The following HDLBP variants were observed in gnomAD, a reference collection of about 807,000 sequenced individuals.
HDLBP encodes high density lipoprotein binding protein, also known as vigilin.
In HDLBP, 30 loss-of-function variants were observed where a neutral mutation model predicts 137.3. That is an observed-to-expected ratio of 0.22 (90% CI 0.16 to 0.30). HDLBP has a LOEUF of 0.30. Among genes scored for constraint, HDLBP ranks in the 10% least tolerant of loss-of-function variants. The pLI is 1.00. For synonymous variants in HDLBP, 606 were observed against 596.0 expected (o/e 1.02, Z -0.24); for missense variants, 1,119 against 1,667.3 (o/e 0.67, Z 5.73).
At chr2:241,279,483 C>T (rs1348371899) in intron 1 of HDLBP, among the ~76,000 whole-genome samples, 2 of 152,166 alleles carry the variant, frequency 1.3e-5, no homozygotes, top group Admixed American at 1.3e-4. Flanking sequence ...TTGCTCTCTC[C>T]AGTGTCAGTA....
chr2:241,239,534 C>A lies in HDLBP; in HGVS notation c.2610+68G>T. On this transcript the variant is annotated intron_variant, in intron 19 of 27. Coordinates refer to ENST00000310931, the MANE Select transcript of HDLBP (RefSeq NM_005336.6). The surrounding 1 kb of genome is among the most constrained non-coding windows in gnomAD (Gnocchi z 4.6). ...ACCTCCCTACAGGGTGGAGCGAACA[C>A]TCATACACGGCTTCGGTGAGTGGCC... is the stretch of plus-strand genomic sequence containing the variant. The A allele has an allele frequency of 7.6e-7, 1 of 1,323,716 alleles. No homozygotes were observed. Among genetic ancestry groups the A allele is most frequent in the South Asian group, 1.2e-5 (1 of 81,020 alleles). 82.0% of individuals were successfully genotyped at this position (1,323,716 alleles called of 1,614,324 possible). A position where few individuals can be genotyped will look rare whatever the true frequency, so the allele number is the denominator to read the frequency against.
rs553090405 is a variant in HDLBP at position 241,238,042 on chromosome 2, C to T, written c.2749+607G>A. On this transcript the variant is annotated intron_variant, in intron 20 of 27. Coordinates refer to ENST00000310931, the MANE Select transcript of HDLBP (RefSeq NM_005336.6). This position sits in a 1 kb window ranked among gnomAD's most constrained non-coding sequence, Gnocchi z 4.9. ...AAGACTGATAACACAGAGTGGAGGG[C>T]GGGCATCTGATAACACAGAGTGGAG... Among the ~76,000 whole-genome samples, 61 of 152,286 alleles carry T rather than the reference C, an allele frequency of 4.0e-4. No homozygotes were observed. Among genetic ancestry groups the T allele is most frequent in the Admixed American group, 7.2e-4 (11 of 15,294 alleles).
intron 1 of HDLBP, among the ~76,000 whole-genome samples, chr2:241,297,825 G>T (rs944636255): frequency 2.0e-5 from 3 of 151,938 alleles, no homozygotes; most frequent in Non-Finnish European, 4.4e-5. Context: ...GGCCAAGGCG[G>T]GTGGATCACC....
At position 241,236,597 on chromosome 2, in the gene HDLBP, G is replaced by A. The variant is rs772803871; in HGVS notation, c.2904+18C>T. 5.6e-6 allele frequency: 9 copies of A among 1,612,866 alleles called. No individual in the cohort carries two copies. In the Admixed American group the frequency reaches 1.0e-4, roughly 18 times the overall value. ...CTGGGCCTTGGCGGGGGGTGGAGGG[G>A]GGCACATGGACACATACCTCCAGAG... On this transcript the variant is annotated intron_variant, in intron 21 of 27. Transcript: ENST00000310931.
In HDLBP at chr2:241,311,589, C is replaced by T. The variant is rs563294143; in HGVS notation, c.-103+3981G>A. 1.5e-3 allele frequency among the ~76,000 whole-genome samples: 230 copies of T among 152,260 alleles called. No individual in the cohort carries two copies. In the South Asian group the frequency reaches 0.019, roughly 13 times the overall value. ...AATACTAATTTTCTTCAAAAGAAAA[C>T]GGACAATTTCTTGAAAGATTTAGAT... On this transcript the variant is annotated intron_variant, in intron 1 of 27. Transcript: ENST00000310931.
chr2:241,311,289 G>A (rs752748306), intron 1 of HDLBP, among the ~76,000 whole-genome samples: 12 of 152,330 alleles, frequency 7.9e-5, no homozygotes, highest in Middle Eastern at 3.4e-3. Flanking sequence ...GGAGCAAAAT[G>A]ATGTCCAAAT....
intron 1 of HDLBP, among the ~76,000 whole-genome samples, chr2:241,277,543 G>A (rs1045265077): frequency 6.6e-6 from 1 of 152,188 alleles, no homozygotes; most frequent in Admixed American, 6.5e-5. Context: ...CTATTGAGAA[G>A]AGTAGTGTCA....
At chr2:241,275,301 A>G (rs1487835705) in intron 1 of HDLBP, among the ~76,000 whole-genome samples, 1 of 152,206 alleles carries the variant, frequency 6.6e-6, no homozygotes, top group African/African-American at 2.4e-5. Flanking sequence ...GATGGATTAG[A>G]AGTAGGATTA....
At chr2:241,275,292 A>T (rs138758599) in intron 1 of HDLBP, among the ~76,000 whole-genome samples, 1 of 152,300 alleles carries the variant, frequency 6.6e-6, no homozygotes, top group Non-Finnish European at 1.5e-5. Flanking sequence ...AGAAGGAAGG[A>T]TGGATTAGAA....
rs186303381 is a variant in HDLBP, at chr2:241,256,495, C to T, written c.658-96G>A. On this transcript the variant is annotated intron_variant, in intron 6 of 27. Coordinates refer to ENST00000310931, the MANE Select transcript of HDLBP (RefSeq NM_005336.6). ...GAGTTGGAGTCAAGCCCTCCACCCC[C>T]ACCACATTATGCCTTGAAGTCCACA... 2,281 of 1,496,262 alleles carry T rather than the reference C, an allele frequency of 1.5e-3. 3 individuals are homozygous for T. The highest frequency in any genetic ancestry group is 1.8e-3 in the Non-Finnish European group (1,911 of 1,084,640). The allele number at this position is 1,496,262 out of a possible 1,614,324, so 92.7% of individuals were successfully genotyped here.
Position 241,239,954 on chromosome 2 carries a change from C to T in HDLBP, c.2338G>A (p.Glu780Lys). The change falls in exon 18 of 28, where the codon GAG becomes AAG. Residue 780 changes from glutamate (E) to lysine (K), a missense_variant. Transcript: ENST00000310931. This position sits in a 1 kb window ranked among gnomAD's most constrained non-coding sequence, Gnocchi z 4.6. ...DQDLITIIGK[E>K]DAVREAQKEL... is the part of the protein sequence containing the mutation. ...TTCTGTGCCTCTCGGACGGCGTCCT[C>T]CTTTCCAATGATGGTGATCAGGTCC... 2 of 1,614,234 alleles carry T rather than the reference C, an allele frequency of 1.2e-6. No homozygotes were observed. Among genetic ancestry groups the T allele is most frequent in the Non-Finnish European group, 1.7e-6 (2 of 1,180,048 alleles).
chr2:241,265,774 C>T (rs756907151), intron 3 of HDLBP, among the ~76,000 whole-genome samples: 2 of 152,172 alleles, frequency 1.3e-5, no homozygotes, highest in Non-Finnish European at 2.9e-5. Context: ...CCCATCTACC[C>T]GACAGCGCTG....
chr2:241,259,166 T>G (rs867164263), intron 5 of HDLBP, among the ~76,000 whole-genome samples: 2 of 152,146 alleles, frequency 1.3e-5, no homozygotes, highest in Non-Finnish European at 2.9e-5. Context: ...CTTACTGATA[T>G]GCAGACACCT....
At chr2:241,271,167 ATGGCC>A in intron 1 of HDLBP, 1 of 980,168 alleles carries the variant, frequency 1.0e-6, no homozygotes, top group African/African-American at 1.7e-5. Flanking sequence ...TCCCTCCCAT[ATGGCC>A]CCAGTCCCTT....
chr2:241,254,660 AT>A (rs1316174666), intron 9 of HDLBP, among the ~76,000 whole-genome samples: 2 of 152,012 alleles, frequency 1.3e-5, no homozygotes, highest in East Asian at 3.9e-4. Flanking sequence ...AATTTTTTGT[AT>A]TTTTAGTAGA....
At chr2:241,250,663 G>A (rs2072062440) in intron 11 of HDLBP, 1 of 152,310 alleles carries the variant, frequency 6.6e-6, no homozygotes, top group African/African-American at 2.4e-5. Context: ...AGCCCAGCTT[G>A]CTGGAAGGAC....
At chr2:241,305,088 A>C (rs973072729) in intron 1 of HDLBP, among the ~76,000 whole-genome samples, 1 of 152,186 alleles carries the variant, frequency 6.6e-6, no homozygotes, top group African/African-American at 2.4e-5. Context: ...AGCCCTAACT[A>C]AACGACTCCT....
At chr2:241,297,356 G>C (rs1320531252) in intron 1 of HDLBP, among the ~76,000 whole-genome samples, 2 of 152,162 alleles carry the variant, frequency 1.3e-5, no homozygotes, top group Non-Finnish European at 2.9e-5. Context: ...ATCTAAGATT[G>C]TCACTGTTGG....
At chr2:241,262,653 G>T in intron 5 of HDLBP, 58 bp downstream of exon 5, 1 of 1,329,636 alleles carries the variant, frequency 7.5e-7, no homozygotes, top group Non-Finnish European at 1.1e-6. Context: ...TGCATCAGGA[G>T]CCGGGTAATG....
Sources: allele counts gnomAD v4.1 joint callset (sites outside exome capture counted in the v4.1 genomes callset), GRCh38; gene constraint gnomAD v4.1.1; non-coding constraint Gnocchi (gnomAD v3.1); transcripts MANE v1.5; gene names NCBI Gene and HGNC (gene_info 2026-07-23, HGNC 2026-07-21).